ADAT2: variants seen among roughly 807,000 people sequenced by gnomAD.
The protein encoded by ADAT2 is tRNA-specific adenosine-34 deaminase catalytic subunit ADAT2.
ADAT2 carries 26 observed loss-of-function variants against 25.9 expected under a neutral mutation model. That is an observed-to-expected ratio of 1.00 (90% CI 0.74 to 1.39). The LOEUF is 1.39. Ranked by LOEUF, ADAT2 falls within the 40% of genes most tolerant of loss-of-function variation. The pLI, the probability that ADAT2 is intolerant of heterozygous loss-of-function variation, is 0.00. For missense variants in ADAT2, 220 were observed against 244.8 expected, an observed-to-expected ratio of 0.90 and a Z score of 0.68; for synonymous variants, 76 against 86.8, an observed-to-expected ratio of 0.88 and a Z score of 0.69.
chr6:143,442,709 G>C lies in ADAT2; in HGVS notation c.97-4015C>G, dbSNP rs961139738. The stretch of plus-strand genomic sequence containing the variant: ...AAATGAAAGTTAAAAAATAAGTACA[G>C]GTAAACAAAAAGGATTTTGCAATGG... On this transcript the variant is annotated intron_variant, in intron 1 of 5. Coordinates refer to ENST00000237283, the MANE Select transcript of ADAT2 (RefSeq NM_182503.3). The surrounding 1 kb of genome is among the most constrained non-coding windows in gnomAD (Gnocchi z 4.6). Among the ~76,000 whole-genome samples, 2 of 152,078 alleles carry C rather than the reference G, an allele frequency of 1.3e-5. No individual in the cohort carries two copies. The highest frequency in any genetic ancestry group is 4.8e-5 in the African/African-American group (2 of 41,390).
rs779315302 is a variant in ADAT2, at chr6:143,433,861, T to C, written c.322A>G (p.Ile108Val). ...TVLYVTVEPC[I>V]MCAAALRLMK... ...AGGCGGAGAGCAGCTGCACACATAATGCACGGCTCCACAGTGACATACAAC... is the reference window on the plus strand; with the variant it reads ...AGGCGGAGAGCAGCTGCACACATAACGCACGGCTCCACAGTGACATACAAC... The change falls in exon 3 of 6, where the codon ATT becomes GTT. Residue 108 changes from isoleucine (I) to valine (V), a missense_variant. Transcript: ENST00000237283. 1.2e-6 allele frequency: 2 copies of C among 1,614,126 alleles called. No homozygotes were observed. Among genetic ancestry groups the C allele is most frequent in the East Asian group, 2.2e-5 (1 of 44,882 alleles).
rs1233846620 is a variant in ADAT2 at position 143,440,256 on chromosome 6, A to G, written c.97-1562T>C. Among the ~76,000 whole-genome samples, 1 of 152,200 alleles carries G rather than the reference A, an allele frequency of 6.6e-6. No homozygotes were observed. Among genetic ancestry groups the G allele is most frequent in the Non-Finnish European group, 1.5e-5 (1 of 68,042 alleles). ...CTCACTTAAGTGCAGGTACTTACAC[A>G]CATCATAGGGCATATAAAGTGCAAA... On this transcript the variant is annotated intron_variant, in intron 1 of 5. Transcript: ENST00000237283. The surrounding 1 kb of genome is among the most constrained non-coding windows in gnomAD (Gnocchi z 4.5).
At chr6:143,430,739 G>C (rs928733481) in intron 4 of ADAT2, among the ~76,000 whole-genome samples, 1 of 151,826 alleles carries the variant, frequency 6.6e-6, no homozygotes, top group African/African-American at 2.4e-5. Flanking sequence ...CTAATTTTTT[G>C]TATTTTTAGT....
intron 3 of ADAT2, among the ~76,000 whole-genome samples, chr6:143,433,139 G>A (rs1374365217): frequency 6.6e-6 from 1 of 152,068 alleles, no homozygotes; most frequent in East Asian, 1.9e-4. Flanking sequence ...AAAAACCTCT[G>A]TATTATTTTT....
chr6:143,429,831 T>G (rs1024939568), intron 4 of ADAT2, among the ~76,000 whole-genome samples: 2 of 152,218 alleles, frequency 1.3e-5, no homozygotes, highest in African/African-American at 4.8e-5. Flanking sequence ...CCCATTCTCC[T>G]GTGTCTTCAG....
At position 143,444,176 on chromosome 6, in the gene ADAT2, TA is replaced by T. The variant is rs1339318419; in HGVS notation, c.97-5483del. Among the ~76,000 whole-genome samples the T allele has an allele frequency of 6.6e-6, 1 of 152,206 alleles. No homozygotes were observed. The highest frequency in any genetic ancestry group is 2.4e-5 in the African/African-American group (1 of 41,448). On this transcript the variant is annotated intron_variant, in intron 1 of 5. Transcript: ENST00000237283. This position sits in a 1 kb window ranked among gnomAD's most constrained non-coding sequence, Gnocchi z 4.3. ...CTCCTCTCAATATTATCTTCATGTT[TA>T]TTTTGAGTAACACAGTTTTTTTTCC...
Position 143,428,509 on chromosome 6 carries a change from G to A in ADAT2, c.533-3C>T, listed in dbSNP as rs778931354. ...TTTCCGAACTTTCGATTTTGGTGCT[G>A]TGAAAAGAATAGAAAAGAAAAAGAA... is the stretch of plus-strand genomic sequence containing the variant. On this transcript the variant is annotated splice_region_variant and splice_polypyrimidine_tract_variant and intron_variant, in intron 5 of 5. Transcript: ENST00000237283. The surrounding 1 kb of genome is among the most constrained non-coding windows in gnomAD (Gnocchi z 5.0). 11 of 1,613,914 alleles carry A rather than the reference G, an allele frequency of 6.8e-6. No individual in the cohort carries two copies. Among genetic ancestry groups the A allele is most frequent in the Admixed American group, 1.7e-5 (1 of 60,012 alleles).
Position 143,450,660 on chromosome 6 carries a change from C to G in ADAT2, c.-2G>C. 6.2e-7 allele frequency: 1 copy of G among 1,613,162 alleles called. No individual in the cohort carries two copies. The highest frequency in any genetic ancestry group is 1.3e-5 in the African/African-American group (1 of 75,064). On this transcript the variant is annotated 5_prime_UTR_variant, in exon 1 of 6. Transcript: ENST00000237283. The stretch of plus-strand genomic sequence containing the variant: ...CTTGGGTGCCGCCTTCGCCTCCATA[C>G]CCAGCCACCACTCAGCTACAGAGCC...
At position 143,442,323 on chromosome 6, in the gene ADAT2, T is replaced by A. The variant is rs1446676695; in HGVS notation, c.97-3629A>T. 6.7e-6 allele frequency among the ~76,000 whole-genome samples: 1 copy of A among 148,358 alleles called. No homozygotes were observed. Among genetic ancestry groups the A allele is most frequent in the South Asian group, 2.1e-4 (1 of 4,706 alleles). ...GCCAAGCCAAATGGTTACAGATTCA[T>A]GTACATAGCATTTTTGAATTATAAA... On this transcript the variant is annotated intron_variant, in intron 1 of 5. Transcript: ENST00000237283. The surrounding 1 kb of genome is among the most constrained non-coding windows in gnomAD (Gnocchi z 4.6).
chr6:143,430,683 G>A (rs1469380904), intron 4 of ADAT2, among the ~76,000 whole-genome samples: 2 of 151,696 alleles, frequency 1.3e-5, no homozygotes, highest in Admixed American at 6.6e-5. Context: ...CTCCTGCCTC[G>A]GCCTCCCAAG....
Position 143,432,981 on chromosome 6 carries a change from C to T in ADAT2, c.353-370G>A, listed in dbSNP as rs1212206692. 6.6e-6 allele frequency among the ~76,000 whole-genome samples: 1 copy of T among 152,146 alleles called. No individual in the cohort carries two copies. The highest frequency in any genetic ancestry group is 1.5e-5 in the Non-Finnish European group (1 of 68,008). On this transcript the variant is annotated intron_variant, in intron 3 of 5. Transcript: ENST00000237283. This position sits in a 1 kb window ranked among gnomAD's most constrained non-coding sequence, Gnocchi z 4.4. ...TTTCACCTTTTAGAAATAAAAGATT[C>T]TTCCCTGTTCTTGCCCCAAATAAAA... is the stretch of plus-strand genomic sequence containing the variant.
At position 143,440,206 on chromosome 6, in the gene ADAT2, T is replaced by C. The variant is rs1420390703; in HGVS notation, c.97-1512A>G. 6.6e-6 allele frequency among the ~76,000 whole-genome samples: 1 copy of C among 152,168 alleles called. No individual in the cohort carries two copies. Among genetic ancestry groups the C allele is most frequent in the African/African-American group, 2.4e-5 (1 of 41,430 alleles). On this transcript the variant is annotated intron_variant, in intron 1 of 5. Transcript: ENST00000237283. The surrounding 1 kb of genome is among the most constrained non-coding windows in gnomAD (Gnocchi z 4.5). ...AAGGTATTCCTTACTGTGGCAGCCCTGAAGAGACTTTGGAAGACTTGATTC... is the reference window on the plus strand; with the variant it reads ...AAGGTATTCCTTACTGTGGCAGCCCCGAAGAGACTTTGGAAGACTTGATTC...
At position 143,426,191 on chromosome 6, in the gene ADAT2, A is replaced by G. The variant is rs1778929254; in HGVS notation, c.*2272T>C. 1 of 152,244 alleles carries G rather than the reference A, an allele frequency of 6.6e-6. No individual in the cohort carries two copies. Among genetic ancestry groups the G allele is most frequent in the African/African-American group, 2.4e-5 (1 of 41,456 alleles). The allele number at this position is 152,244 out of a possible 1,614,324, so 9.4% of individuals were successfully genotyped here. ...GGACAGGCACTATCAGTATCAATCA[A>G]TGGAATTCAAGCTGTTGAACTAGGA... On this transcript the variant is annotated 3_prime_UTR_variant, in exon 6 of 6. Coordinates refer to ENST00000237283, the MANE Select transcript of ADAT2 (RefSeq NM_182503.3). The surrounding 1 kb of genome is among the most constrained non-coding windows in gnomAD (Gnocchi z 4.1).
At chr6:143,449,328 A>G (rs1326515467) in intron 1 of ADAT2, among the ~76,000 whole-genome samples, 1 of 152,234 alleles carries the variant, frequency 6.6e-6, no homozygotes, top group African/African-American at 2.4e-5. Context: ...TTGGGATTAC[A>G]GGCATGAGCC....
At chr6:143,445,992 T>C (rs1779587766) in intron 1 of ADAT2, among the ~76,000 whole-genome samples, 1 of 151,892 alleles carries the variant, frequency 6.6e-6, no homozygotes, top group South Asian at 2.1e-4. Flanking sequence ...TATAGATAGT[T>C]AGTCAATCTT....
At chr6:143,431,332 A>C (rs1461480971) in intron 4 of ADAT2, among the ~76,000 whole-genome samples, 3 of 152,248 alleles carry the variant, frequency 2.0e-5, no homozygotes, top group Admixed American at 6.5e-5. Flanking sequence ...CCACCCATGT[A>C]TGACATCAAA....
rs764022663 is a variant in ADAT2 at position 143,432,623 on chromosome 6, T to A, written c.353-12A>T. On this transcript the variant is annotated splice_polypyrimidine_tract_variant and intron_variant, in intron 3 of 5. Transcript: ENST00000237283. This position sits in a 1 kb window ranked among gnomAD's most constrained non-coding sequence, Gnocchi z 4.4. ...AACCAGCGGGATTTATAAGACAGAATTAAGGTCCTGCATAGAATGTACATT... is the reference window on the plus strand; with the variant it reads ...AACCAGCGGGATTTATAAGACAGAAATAAGGTCCTGCATAGAATGTACATT... 2.3e-5 allele frequency: 37 copies of A among 1,611,494 alleles called. No homozygotes were observed. Among genetic ancestry groups the A allele is most frequent in the Non-Finnish European group, 3.1e-5 (36 of 1,177,742 alleles).
chr6:143,441,220 A>G (rs1779447114), intron 1 of ADAT2, among the ~76,000 whole-genome samples: 2 of 152,224 alleles, frequency 1.3e-5, no homozygotes, highest in African/African-American at 2.4e-5. Context: ...AAACTAATAC[A>G]TGCAGCAAAG....
intron 1 of ADAT2, among the ~76,000 whole-genome samples, chr6:143,450,295 G>A (rs1779724967): frequency 6.6e-6 from 1 of 152,134 alleles, no homozygotes; most frequent in Non-Finnish European, 1.5e-5. Context: ...GGCAGCACGT[G>A]CCAGCCGGCG....
Sources: gnomAD v4.1 joint callset for allele counts (sites outside exome capture counted in the v4.1 genomes callset) on GRCh38, gnomAD v4.1.1 for gene constraint, Gnocchi (gnomAD v3.1) non-coding constraint, MANE v1.5 for transcripts, NCBI Gene and HGNC (gene_info 2026-07-23, HGNC 2026-07-21) for gene names.